Variants in RPH3A observed in about 807,000 individuals in gnomAD.
The protein encoded by RPH3A is rabphilin 3A.
Under a neutral mutation model 102.2 loss-of-function variants are expected in RPH3A, and 48 were observed. The ratio of observed to expected loss-of-function variants is 0.47; its 90% CI spans 0.37 to 0.60. RPH3A has a LOEUF of 0.60. Among genes scored for constraint, RPH3A ranks in the 20% least tolerant of loss-of-function variants. The pLI is 0.00. For missense variants in RPH3A, 781 were observed against 910.1 expected, an observed-to-expected ratio of 0.86 and a Z score of 1.83; for synonymous variants, 310 against 324.3, an observed-to-expected ratio of 0.96 and a Z score of 0.47.
chr12:112,770,483 C>T (rs796116454), intron 1 of RPH3A, among the ~76,000 whole-genome samples: 89 of 152,128 alleles, frequency 5.9e-4, no homozygotes, highest in African/African-American at 2.0e-3. Flanking sequence ...GTAGCTGGGA[C>T]TACAGGCGTG....
chr12:112,776,126 C>G (rs1216883980), intron 1 of RPH3A, among the ~76,000 whole-genome samples: 1 of 152,126 alleles, frequency 6.6e-6, no homozygotes, highest in African/African-American at 2.4e-5. Flanking sequence ...GTCAGACAGA[C>G]CTGGACTTGG....
chr12:112,717,283 C>T (rs1216059891), intron 1 of RPH3A, among the ~76,000 whole-genome samples: 1 of 152,138 alleles, frequency 6.6e-6, no homozygotes, highest in South Asian at 2.1e-4. Context: ...AGAACCACCA[C>T]CCCCATCCCA....
At chr12:112,739,750 G>A (rs1401363525) in intron 1 of RPH3A, among the ~76,000 whole-genome samples, 1 of 152,158 alleles carries the variant, frequency 6.6e-6, no homozygotes, top group Admixed American at 6.5e-5. Context: ...ACACTTCTTT[G>A]TCACTTGGCT....
At chr12:112,752,418 T>G (rs2040790966) in intron 1 of RPH3A, among the ~76,000 whole-genome samples, 1 of 152,180 alleles carries the variant, frequency 6.6e-6, no homozygotes, top group South Asian at 2.1e-4. Flanking sequence ...AAATTCAAAA[T>G]GTGTGTATTT....
chr12:112,766,674 G>A (rs1405603150), intron 1 of RPH3A, among the ~76,000 whole-genome samples: 4 of 152,090 alleles, frequency 2.6e-5, no homozygotes, highest in South Asian at 2.1e-4. Context: ...TTATTCCTAC[G>A]CCTGTCAGTC....
intron 2 of RPH3A, among the ~76,000 whole-genome samples, chr12:112,798,905 G>A (rs565883664): frequency 5.2e-4 from 77 of 148,946 alleles, no homozygotes; most frequent in Non-Finnish European, 8.2e-4. Context: ...CTCTCTCTCC[G>A]TCTTCCTCCT....
At chr12:112,657,070 T>A (rs1160318700) in intron 1 of RPH3A, among the ~76,000 whole-genome samples, 1 of 152,128 alleles carries the variant, frequency 6.6e-6, no homozygotes, top group East Asian at 1.9e-4. Context: ...CTACCAGTAG[T>A]GTTCCCTTTC....
At chr12:112,608,209 G>T (rs1463369946) in intron 1 of RPH3A, among the ~76,000 whole-genome samples, 2 of 151,244 alleles carry the variant, frequency 1.3e-5, no homozygotes, top group Admixed American at 6.6e-5. Context: ...TCTGCCTGCC[G>T]GGTTCAAGTG....
chr12:112,891,545 C>G (rs1042634595), intron 19 of RPH3A, among the ~76,000 whole-genome samples: 1 of 152,152 alleles, frequency 6.6e-6, no homozygotes, highest in Non-Finnish European at 1.5e-5. Flanking sequence ...GGGGAAATGC[C>G]CATTCCAGGA....
At chr12:112,709,171 A>G (rs1437598760) in intron 1 of RPH3A, among the ~76,000 whole-genome samples, 3 of 152,198 alleles carry the variant, frequency 2.0e-5, no homozygotes, top group Non-Finnish European at 4.4e-5. Context: ...CTGCCACACT[A>G]GGTGTTGAAA....
At chr12:112,616,523 G>A (rs1211632468) in intron 1 of RPH3A, among the ~76,000 whole-genome samples, 2 of 152,196 alleles carry the variant, frequency 1.3e-5, no homozygotes, top group Non-Finnish European at 2.9e-5. Context: ...AGAATTCCCA[G>A]AGACAATAAT....
intron 5 of RPH3A, among the ~76,000 whole-genome samples, chr12:112,862,835 G>A (rs944849128): frequency 2.0e-4 from 30 of 152,360 alleles, no homozygotes; most frequent in Non-Finnish European, 2.9e-4. Context: ...CAGGAGCAAC[G>A]AGGGCCGTGG....
intron 1 of RPH3A, among the ~76,000 whole-genome samples, chr12:112,575,554 G>C (rs1354601417): frequency 6.6e-6 from 1 of 151,866 alleles, no homozygotes; most frequent in Non-Finnish European, 1.5e-5. Flanking sequence ...TTTGAGGGGC[G>C]GGTCCGGCAA....
At chr12:112,831,719 C>T (rs1436084705) in intron 3 of RPH3A, 2 of 453,716 alleles carry the variant, frequency 4.4e-6, no homozygotes, top group Non-Finnish European at 4.4e-6. Flanking sequence ...TATCTTAAAA[C>T]ATTGATTTAT....
intron 1 of RPH3A, among the ~76,000 whole-genome samples, chr12:112,784,476 G>A (rs992450863): frequency 6.6e-6 from 1 of 152,156 alleles, no homozygotes; most frequent in Non-Finnish European, 1.5e-5. Context: ...AACTATGGTC[G>A]TATCTCATTT....
chr12:112,890,960 G>A lies in RPH3A; in HGVS notation c.1732G>A (p.Ala578Thr), dbSNP rs1180526816. 16 of 1,614,054 alleles carry A rather than the reference G, an allele frequency of 9.9e-6. No homozygotes were observed. The highest frequency in any genetic ancestry group is 1.4e-5 in the Non-Finnish European group (16 of 1,180,036). The change falls in exon 19 of 22, where the codon GCT (alanine) becomes ACT (threonine). Residue 578 changes from alanine to threonine, a missense_variant. Physicochemically the swap from Ala to Thr is moderately conservative, Grantham distance 58. Transcript: ENST00000389385. ...GGGCATCATACGCTGCGTGCACCTGGCTGCCATGGACGCTAATGGCTACTC... is the reference window on the plus strand; with the variant it reads ...GGGCATCATACGCTGCGTGCACCTGACTGCCATGGACGCTAATGGCTACTC... ...IVGIIRCVHL[A>T]AMDANGYSDP... is the part of the protein sequence containing the mutation.
At chr12:112,722,206 A>G (rs553880363) in intron 1 of RPH3A, among the ~76,000 whole-genome samples, 3 of 152,346 alleles carry the variant, frequency 2.0e-5, no homozygotes, top group African/African-American at 4.8e-5. Flanking sequence ...ACCTCCCATC[A>G]TGCCTCAGAG....
chr12:112,749,068 C>G (rs1293072273), intron 1 of RPH3A, among the ~76,000 whole-genome samples: 1 of 152,126 alleles, frequency 6.6e-6, no homozygotes, highest in African/African-American at 2.4e-5. Flanking sequence ...TACCTGGAAG[C>G]TGAAAGGCAT....
At chr12:112,881,590 C>A (rs757551554) in intron 14 of RPH3A, among the ~76,000 whole-genome samples, 182 bp from the exon 15 acceptor site, 2 of 152,210 alleles carry the variant, frequency 1.3e-5, no homozygotes, top group African/African-American at 2.4e-5. Context: ...AGGTTTAAAA[C>A]CCTGTCTCCC....
Sources: gnomAD v4.1 joint callset for allele counts (sites outside exome capture counted in the v4.1 genomes callset) on GRCh38, gnomAD v4.1.1 for gene constraint, MANE v1.5 for transcripts, NCBI Gene and HGNC (gene_info 2026-07-23, HGNC 2026-07-21) for gene names.